PDE1A: variants seen among roughly 807,000 people sequenced by gnomAD.
PDE1A encodes dual specificity calcium/calmodulin-dependent 3',5'-cyclic nucleotide phosphodiesterase 1A.
Under a neutral mutation model 61.7 loss-of-function variants are expected in PDE1A, and 35 were observed. That is an observed-to-expected ratio of 0.57 (90% CI 0.43 to 0.75). The LOEUF is 0.75. Ranked by LOEUF, PDE1A falls within the 30% of genes least tolerant of loss-of-function variation. The pLI is 0.00. For missense variants in PDE1A, 597 were observed against 630.6 expected (o/e 0.95, Z 0.57); for synonymous variants, 232 against 213.2 (o/e 1.09, Z -0.77).
At chr2:182,608,781 G>T in the PDE1A span, among the ~76,000 whole-genome samples, 2 of 152,254 alleles carry the variant, frequency 1.3e-5, no homozygotes, top group African/African-American at 4.8e-5. Context: ...TGAGGAGTGC[G>T]GCCGCAGGGC....
chr2:182,329,670 C>T (rs754881962), intron 1 of PDE1A, among the ~76,000 whole-genome samples: 4 of 152,122 alleles, frequency 2.6e-5, no homozygotes, highest in Non-Finnish European at 5.9e-5. Context: ...GGATTACAGG[C>T]GTGAGCCACC....
intron 1 of PDE1A, among the ~76,000 whole-genome samples, chr2:182,369,852 T>C (rs1469755531): frequency 1.3e-5 from 2 of 152,076 alleles, no homozygotes; most frequent in Non-Finnish European, 2.9e-5. Context: ...TTACTTGAAA[T>C]GAAGGTAAGT....
At chr2:182,314,800 C>G (rs1446960569) in intron 1 of PDE1A, among the ~76,000 whole-genome samples, 2 of 78,672 alleles carry the variant, frequency 2.5e-5, no homozygotes, top group African/African-American at 7.2e-5. Flanking sequence ...CAAAGCTTAT[C>G]AAAATGTATA....
At chr2:182,358,723 T>C (rs1022509776) in intron 1 of PDE1A, among the ~76,000 whole-genome samples, 3 of 152,176 alleles carry the variant, frequency 2.0e-5, no homozygotes, top group Non-Finnish European at 4.4e-5. Context: ...GCAATTTACA[T>C]ACATAAATCC....
chr2:182,487,789 A>G (rs954272940), intron 2 of PDE1A, among the ~76,000 whole-genome samples: 2 of 152,184 alleles, frequency 1.3e-5, no homozygotes, highest in Non-Finnish European at 2.9e-5. Flanking sequence ...TGATATGTAA[A>G]TTATGCCTTA....
intron 1 of PDE1A, among the ~76,000 whole-genome samples, chr2:182,268,321 T>A (rs1048210129): frequency 6.6e-6 from 1 of 152,018 alleles, no homozygotes; most frequent in Non-Finnish European, 1.5e-5. Context: ...GATAAATGAT[T>A]ATTGGGTATC....
intron 1 of PDE1A, among the ~76,000 whole-genome samples, chr2:182,358,286 T>A (rs833149): frequency 6.6e-6 from 1 of 151,890 alleles, no homozygotes; most frequent in Non-Finnish European, 1.5e-5. Flanking sequence ...TCCCTCAAGG[T>A]TCACTTAACC....
At chr2:182,687,844 G>A in the PDE1A span, among the ~76,000 whole-genome samples, 1 of 152,208 alleles carries the variant, frequency 6.6e-6, no homozygotes, top group African/African-American at 2.4e-5. Flanking sequence ...AGGACCTGAT[G>A]GAGCTGAAAA....
the PDE1A span, among the ~76,000 whole-genome samples, chr2:182,678,098 G>A: frequency 0.64 from 97,223 of 152,210 alleles, 31,576 homozygotes; most frequent in Middle Eastern, 0.78. Flanking sequence ...ATTTCAGATT[G>A]TATAGGATGT....
intron 1 of PDE1A, among the ~76,000 whole-genome samples, chr2:182,371,439 A>T (rs1204134004): frequency 6.6e-6 from 1 of 152,224 alleles, no homozygotes; most frequent in Non-Finnish European, 1.5e-5. Flanking sequence ...ACAGGACTTC[A>T]GGAGCTGAGC....
intron 13 of PDE1A, among the ~76,000 whole-genome samples, chr2:182,157,820 C>T (rs1447265092): frequency 1.3e-5 from 2 of 152,058 alleles, no homozygotes; most frequent in Non-Finnish European, 2.9e-5. Flanking sequence ...TACCAAATGC[C>T]CCCAGAAATA....
intron 2 of PDE1A, among the ~76,000 whole-genome samples, chr2:182,478,803 G>A (rs1412233458): frequency 6.6e-6 from 1 of 151,832 alleles, no homozygotes; most frequent in African/African-American, 2.4e-5. Context: ...GAGGCTAATA[G>A]AGTGAACACT....
Position 182,414,226 on chromosome 2 carries a change from T to C in PDE1A, c.53+12352A>G, listed in dbSNP as rs142362871. ...AATGAATGGAAGGAAGAGACTGAAT[T>C]GTAACTAGATGGAGTAGATAAGAGG... is the stretch of plus-strand genomic sequence containing the variant. On this transcript the variant is annotated intron_variant, in intron 1 of 13. Transcript: ENST00000351439. 6.2e-4 allele frequency among the ~76,000 whole-genome samples: 95 copies of C among 152,236 alleles called. 2 individuals are homozygous for C. In the East Asian group the frequency reaches 0.018, roughly 28 times the overall value.
At chr2:182,302,569 G>C (rs1213874419) in intron 1 of PDE1A, among the ~76,000 whole-genome samples, 1 of 152,216 alleles carries the variant, frequency 6.6e-6, no homozygotes, top group Non-Finnish European at 1.5e-5. Flanking sequence ...CTGCCTCTGT[G>C]TTGATGTCTG....
At chr2:182,168,883 A>G (rs954437315) in intron 13 of PDE1A, among the ~76,000 whole-genome samples, 6 of 152,090 alleles carry the variant, frequency 3.9e-5, no homozygotes, top group African/African-American at 1.4e-4. Context: ...CGGAAGGGCT[A>G]ATGCTGTCAC....
chr2:182,532,717 G>A, the PDE1A span, among the ~76,000 whole-genome samples: 1 of 152,034 alleles, frequency 6.6e-6, no homozygotes, highest in African/African-American at 2.4e-5. Flanking sequence ...CAGCACTTTG[G>A]GAGGCCGAGG....
intron 1 of PDE1A, among the ~76,000 whole-genome samples, chr2:182,357,965 T>A (rs182852348): frequency 1.3e-5 from 2 of 152,294 alleles, no homozygotes; most frequent in East Asian, 3.9e-4. Context: ...CAGATCAAGG[T>A]AGGGAAGTCA....
At chr2:182,266,453 T>C (rs1692639939) in intron 1 of PDE1A, among the ~76,000 whole-genome samples, 1 of 152,208 alleles carries the variant, frequency 6.6e-6, no homozygotes, top group Admixed American at 6.5e-5. Flanking sequence ...TGCAATGGCT[T>C]AGAAATATAC....
At chr2:182,232,529 A>T (rs1689665014) in intron 4 of PDE1A, among the ~76,000 whole-genome samples, 1 of 152,242 alleles carries the variant, frequency 6.6e-6, no homozygotes, top group Admixed American at 6.5e-5. Context: ...TTCAAAAAAT[A>T]ATAGTAAGAG....
Sources: allele counts gnomAD v4.1 joint callset (sites outside exome capture counted in the v4.1 genomes callset), GRCh38; gene constraint gnomAD v4.1.1; transcripts MANE v1.5; gene names NCBI Gene and HGNC (gene_info 2026-07-23, HGNC 2026-07-21).